The following MKLN1 variants were observed in gnomAD, a reference collection of about 807,000 sequenced individuals.
MKLN1 encodes the protein muskelin.
Under a neutral mutation model 99.0 loss-of-function variants are expected in MKLN1, and 18 were observed. The observed-to-expected ratio is 0.18, with a 90% CI of 0.13 to 0.27. MKLN1 has a LOEUF of 0.27. MKLN1 is among the 10% of genes least tolerant of loss of function. The pLI is 1.00. For synonymous variants in MKLN1, 288 were observed against 293.2 expected (o/e 0.98, Z 0.18); for missense variants, 621 against 875.9 (o/e 0.71, Z 3.67).
intron 3 of MKLN1, among the ~76,000 whole-genome samples, chr7:131,267,491 G>A (rs1450142554): frequency 6.6e-6 from 1 of 152,068 alleles, no homozygotes; most frequent in Non-Finnish European, 1.5e-5. Context: ...CCTTCCATAA[G>A]TGGGCTCAGG....
chr7:131,299,845 T>C (rs1240066184), intron 3 of MKLN1, among the ~76,000 whole-genome samples: 2 of 152,230 alleles, frequency 1.3e-5, no homozygotes, highest in Non-Finnish European at 2.9e-5. Context: ...AATTACTGTA[T>C]TTTGTAAATG....
At chr7:131,471,237 A>G (rs960375541) in intron 16 of MKLN1, 11 of 242,572 alleles carry the variant, frequency 4.5e-5, no homozygotes, top group African/African-American at 1.4e-4. Flanking sequence ...TACTTTGTCC[A>G]TAGTCCCATG....
chr7:131,250,575 T>C (rs1797563074), intron 3 of MKLN1, among the ~76,000 whole-genome samples: 1 of 152,132 alleles, frequency 6.6e-6, no homozygotes, highest in Non-Finnish European at 1.5e-5. Context: ...GGCTGATCCA[T>C]TCCAGAGCCT....
intron 3 of MKLN1, among the ~76,000 whole-genome samples, chr7:131,277,121 G>A (rs1348420718): frequency 6.6e-6 from 1 of 152,108 alleles, no homozygotes; most frequent in Non-Finnish European, 1.5e-5. Context: ...CTAAATTCTT[G>A]TGTAATATTT....
intron 2 of MKLN1, among the ~76,000 whole-genome samples, chr7:131,376,566 C>G (rs1385165357): frequency 6.7e-6 from 1 of 149,614 alleles, no homozygotes; most frequent in Non-Finnish European, 1.5e-5. Flanking sequence ...CGTTTGAACC[C>G]AGGAGGCAGA....
intron 3 of MKLN1, among the ~76,000 whole-genome samples, chr7:131,292,852 T>C (rs909900127): frequency 1.6e-4 from 25 of 152,294 alleles, no homozygotes; most frequent in African/African-American, 5.8e-4. Context: ...ATATAAAAGA[T>C]AGAGCTCTCC....
intron 7 of MKLN1, 21 bp downstream of exon 7, chr7:131,411,404 T>G (rs1217975635): frequency 6.6e-7 from 1 of 1,505,340 alleles, no homozygotes; most frequent in Non-Finnish European, 9.2e-7. Context: ...CCTTCTAGAT[T>G]GTAGTTCTTT....
intron 8 of MKLN1, among the ~76,000 whole-genome samples, chr7:131,421,347 T>C (rs1317527057): frequency 1.3e-5 from 2 of 152,190 alleles, no homozygotes; most frequent in African/African-American, 4.8e-5. Context: ...ATCAGGTTGA[T>C]CTTAATCACT....
At chr7:131,126,057 A>AG (rs1795453461) in intron 1 of MKLN1, among the ~76,000 whole-genome samples, 2 of 99,902 alleles carry the variant, frequency 2.0e-5, no homozygotes, top group African/African-American at 6.1e-5. Context: ...TAAATTAATT[A>AG]ATTAATAAAT....
At chr7:131,301,594 G>A (rs1798378096) in intron 3 of MKLN1, among the ~76,000 whole-genome samples, 1 of 152,260 alleles carries the variant, frequency 6.6e-6, no homozygotes, top group Non-Finnish European at 1.5e-5. Context: ...AGGGAACCTG[G>A]AGAAATGGTT....
intron 3 of MKLN1, among the ~76,000 whole-genome samples, chr7:131,203,953 A>G (rs1391114560): frequency 6.6e-6 from 1 of 152,182 alleles, no homozygotes; most frequent in Admixed American, 6.5e-5. Flanking sequence ...CTGAAAAACT[A>G]TCTTGATTTA....
intron 3 of MKLN1, among the ~76,000 whole-genome samples, chr7:131,265,455 T>G (rs1012878533): frequency 6.6e-6 from 1 of 152,138 alleles, no homozygotes; most frequent in African/African-American, 2.4e-5. Context: ...TTCTTTCATT[T>G]CCTCCTTTTG....
At chr7:131,211,312 G>T (rs1198689713) in intron 3 of MKLN1, among the ~76,000 whole-genome samples, 1 of 152,124 alleles carries the variant, frequency 6.6e-6, no homozygotes, top group African/African-American at 2.4e-5. Flanking sequence ...TTTATTATAT[G>T]CAGGATGGCT....
At chr7:131,481,797 C>A (rs1797126505) in intron 17 of MKLN1, among the ~76,000 whole-genome samples, 4 of 120,742 alleles carry the variant, frequency 3.3e-5, no homozygotes, top group South Asian at 3.0e-4. Flanking sequence ...ATGAATATTT[C>A]ATTTTCTAAG....
chr7:131,295,671 C>T (rs1029478073), intron 3 of MKLN1, among the ~76,000 whole-genome samples: 2 of 152,084 alleles, frequency 1.3e-5, no homozygotes, highest in South Asian at 2.1e-4. Flanking sequence ...ATCACTTGAG[C>T]TTAGGAGTCT....
chr7:131,229,199 C>T (rs2116470714), intron 3 of MKLN1, among the ~76,000 whole-genome samples: 2 of 151,292 alleles, frequency 1.3e-5, no homozygotes, highest in South Asian at 4.2e-4. Flanking sequence ...TTCTGGGGTA[C>T]ATGTGCAGAA....
chr7:131,221,246 C>T (rs1797055502), intron 3 of MKLN1, among the ~76,000 whole-genome samples: 1 of 152,176 alleles, frequency 6.6e-6, no homozygotes. Flanking sequence ...TGAGGGATGC[C>T]CATTTCTGGT....
chr7:131,328,760 A>G (rs1017261070), intron 1 of MKLN1, among the ~76,000 whole-genome samples: 2 of 152,194 alleles, frequency 1.3e-5, no homozygotes, highest in Non-Finnish European at 2.9e-5. Flanking sequence ...GATTTTCAAC[A>G]CCGGCTTTGT....
At chr7:131,456,517 C>T (rs1396111605) in intron 12 of MKLN1, among the ~76,000 whole-genome samples, 1 of 152,114 alleles carries the variant, frequency 6.6e-6, no homozygotes, top group Non-Finnish European at 1.5e-5. Context: ...GTAGCCTAGC[C>T]CACTAGTGTC....
Sources: allele counts gnomAD v4.1 joint callset (sites outside exome capture counted in the v4.1 genomes callset), GRCh38; gene constraint gnomAD v4.1.1; transcripts MANE v1.5; gene names NCBI Gene and HGNC (gene_info 2026-07-23, HGNC 2026-07-21).